NR3C2: variants seen among roughly 807,000 people sequenced by gnomAD.
NR3C2 encodes nuclear receptor subfamily 3 group C member 2.
NR3C2 carries 15 observed loss-of-function variants against 86.4 expected under a neutral mutation model. The ratio of observed to expected loss-of-function variants is 0.17; its 90% CI spans 0.12 to 0.27. The LOEUF is 0.27. NR3C2 is among the 10% of genes least tolerant of loss of function. The pLI, the probability that NR3C2 is intolerant of heterozygous loss-of-function variation, is 1.00. For missense variants in NR3C2, 960 were observed against 1,195.6 expected, an observed-to-expected ratio of 0.80 and a Z score of 2.91; for synonymous variants, 458 against 450.5, an observed-to-expected ratio of 1.02 and a Z score of -0.21.
intron 3 of NR3C2, among the ~76,000 whole-genome samples, chr4:148,212,065 T>G (rs1434279336): frequency 6.6e-6 from 1 of 152,184 alleles, no homozygotes; most frequent in Non-Finnish European, 1.5e-5. Context: ...CTCCTCTCTC[T>G]AAAATACCTG....
chr4:148,351,574 A>G (rs890382439), intron 2 of NR3C2, among the ~76,000 whole-genome samples: 2 of 152,166 alleles, frequency 1.3e-5, no homozygotes, highest in Non-Finnish European at 2.9e-5. Context: ...AGAGCCCTCT[A>G]CAGACCCCAG....
intron 4 of NR3C2, among the ~76,000 whole-genome samples, chr4:148,182,322 A>G (rs1578982257): frequency 6.6e-6 from 1 of 152,244 alleles, no homozygotes; most frequent in African/African-American, 2.4e-5. Context: ...TGAAACTAAA[A>G]GCAAGACTTC....
chr4:148,439,584 A>T (rs992069160), intron 1 of NR3C2, among the ~76,000 whole-genome samples: 16 of 151,642 alleles, frequency 1.1e-4, no homozygotes, highest in Non-Finnish European at 2.2e-4. Context: ...CCCCACCCAG[A>T]CCCCTCTCCA....
intron 2 of NR3C2, among the ~76,000 whole-genome samples, chr4:148,282,234 T>A (rs577515662): frequency 6.6e-6 from 1 of 152,298 alleles, no homozygotes; most frequent in Admixed American, 6.5e-5. Context: ...TTCACCATGT[T>A]GACCAGGCTG....
rs140646505 is a variant in NR3C2, at chr4:148,341,202, G to A, written c.1758-81085C>T. On this transcript the variant is annotated intron_variant, in intron 2 of 8. Transcript: ENST00000358102. ...CCAAACTATTCAATAGCCGTGATACGTAATCAATCTAAGTGTCCAACAGAT... is the reference window on the plus strand; with the variant it reads ...CCAAACTATTCAATAGCCGTGATACATAATCAATCTAAGTGTCCAACAGAT... Among the ~76,000 whole-genome samples, 550 of 152,190 alleles carry A rather than the reference G, an allele frequency of 3.6e-3. 2 individuals are homozygous for A. The highest frequency in any genetic ancestry group is 6.7e-3 in the Non-Finnish European group (454 of 67,982).
At chr4:148,129,016 GCTAA>G (rs1732881787) in intron 6 of NR3C2, among the ~76,000 whole-genome samples, 1 of 152,182 alleles carries the variant, frequency 6.6e-6, no homozygotes, top group African/African-American at 2.4e-5. Context: ...CTTTCTTGAT[GCTAA>G]CTTCTACTTA....
At chr4:148,288,655 C>CT (rs1254704857) in intron 2 of NR3C2, among the ~76,000 whole-genome samples, 1 of 152,092 alleles carries the variant, frequency 6.6e-6, no homozygotes, top group Non-Finnish European at 1.5e-5. Flanking sequence ...TATCTGCTCC[C>CT]TTTTTTTTCC....
chr4:148,120,252 G>A lies in NR3C2; in HGVS notation c.2547C>T (p.Cys849=). 6.2e-7 allele frequency: 1 copy of A among 1,613,992 alleles called. No individual in the cohort carries two copies. Among genetic ancestry groups the A allele is most frequent in the Non-Finnish European group, 8.5e-7 (1 of 1,179,932 alleles). ...KMHQSAMYEL[C]QGMHQISLQF... Reference sequence around the variant, plus strand: ...GAAGGCTGATTTGGTGCATCCCCTGGCATAGTTCATACATGGCAGACTGAT... The same window carrying A: ...GAAGGCTGATTTGGTGCATCCCCTGACATAGTTCATACATGGCAGACTGAT... Residue 849 remains cysteine, a synonymous_variant, in exon 7 of 9, where the codon TGC becomes TGT. Transcript: ENST00000358102.
At chr4:148,140,457 C>G (rs1373067656) in intron 6 of NR3C2, among the ~76,000 whole-genome samples, 2 of 152,066 alleles carry the variant, frequency 1.3e-5, no homozygotes, top group Non-Finnish European at 2.9e-5. Flanking sequence ...TTGCCTGAGC[C>G]CAGGAGATTG....
intron 4 of NR3C2, among the ~76,000 whole-genome samples, chr4:148,188,508 T>G (rs1309048051): frequency 6.6e-6 from 1 of 152,200 alleles, no homozygotes; most frequent in East Asian, 1.9e-4. Flanking sequence ...TAAAAGGGGA[T>G]AAGTTCTTGA....
At chr4:148,424,788 C>G (rs1462999570) in intron 2 of NR3C2, among the ~76,000 whole-genome samples, 1 of 151,828 alleles carries the variant, frequency 6.6e-6, no homozygotes, top group Admixed American at 6.6e-5. Context: ...AAGGGTTGAC[C>G]AAGAGAATTT....
intron 8 of NR3C2, among the ~76,000 whole-genome samples, chr4:148,102,726 C>T (rs1731594809): frequency 6.6e-6 from 1 of 152,198 alleles, no homozygotes; most frequent in African/African-American, 2.4e-5. Flanking sequence ...CAGACAGCAC[C>T]ATTCAGCACA....
At chr4:148,347,412 C>G (rs1261594653) in intron 2 of NR3C2, among the ~76,000 whole-genome samples, 1 of 152,122 alleles carries the variant, frequency 6.6e-6, no homozygotes, top group East Asian at 1.9e-4. Context: ...ACTCTATCTT[C>G]AACCGACATC....
intron 1 of NR3C2, among the ~76,000 whole-genome samples, chr4:148,440,422 A>G (rs1057174343): frequency 2.6e-5 from 4 of 152,252 alleles, no homozygotes; most frequent in Non-Finnish European, 5.9e-5. Context: ...GATGAATATG[A>G]TCCTCATAGA....
chr4:148,233,013 G>A lies in NR3C2; in HGVS notation c.1897+26965C>T, dbSNP rs141800523. On this transcript the variant is annotated intron_variant, in intron 3 of 8. Coordinates refer to ENST00000358102, the MANE Select transcript of NR3C2 (RefSeq NM_000901.5). ...TTTGGCTTAAGAGAATGTTGTGGCTGGTTTGATCTTCTATCCAGACCACTA... is the reference window on the plus strand; with the variant it reads ...TTTGGCTTAAGAGAATGTTGTGGCTAGTTTGATCTTCTATCCAGACCACTA... 4.6e-4 allele frequency among the ~76,000 whole-genome samples: 70 copies of A among 152,266 alleles called. 1 individual carries two copies. Among genetic ancestry groups the A allele is most frequent in the Middle Eastern group, 3.4e-3 (1 of 294 alleles).
intron 8 of NR3C2, among the ~76,000 whole-genome samples, chr4:148,087,143 A>C (rs2149706794): frequency 6.6e-6 from 1 of 152,334 alleles, no homozygotes; most frequent in African/African-American, 2.4e-5. Context: ...AAACAGCCAA[A>C]TCATTAGTGA....
chr4:148,097,741 G>GTGTTT (rs1731349544), intron 8 of NR3C2, among the ~76,000 whole-genome samples: 1 of 107,504 alleles, frequency 9.3e-6, no homozygotes, highest in African/African-American at 4.3e-5. Flanking sequence ...ACTTTTTTGC[G>GTGTTT]TTTTTTTTTG....
At chr4:148,329,404 A>G (rs1744120663) in intron 2 of NR3C2, among the ~76,000 whole-genome samples, 1 of 152,240 alleles carries the variant, frequency 6.6e-6, no homozygotes, top group Admixed American at 6.5e-5. Flanking sequence ...AATTTTATAC[A>G]AATCATCTAA....
At chr4:148,445,089 A>T, upstream of NR3C2, 1 of 784,240 alleles carries the variant, frequency 1.3e-6, no homozygotes, top group Non-Finnish European at 1.5e-6. Flanking sequence ...GGGCGCCGGC[A>T]GCCGCCCTCC....
Sources: allele counts gnomAD v4.1 joint callset (sites outside exome capture counted in the v4.1 genomes callset), GRCh38; gene constraint gnomAD v4.1.1; transcripts MANE v1.5; gene names NCBI Gene and HGNC (gene_info 2026-07-23, HGNC 2026-07-21).